NINL: variants seen among roughly 807,000 people sequenced by gnomAD.
NINL encodes the protein ninein like, also known as ninein-like protein.
Under a neutral mutation model 160.3 loss-of-function variants are expected in NINL, and 153 were observed. The observed-to-expected ratio is 0.95, with a 90% CI of 0.84 to 1.09. The LOEUF is 1.09. NINL is among the 50% of genes least tolerant of loss of function. The pLI, the probability that NINL is intolerant of heterozygous loss-of-function variation, is 0.00. For synonymous variants in NINL, 800 were observed against 734.8 expected (o/e 1.09, Z -1.43); for missense variants, 1,829 against 1,764.0 (o/e 1.04, Z -0.66).
At chr20:25,558,894 C>T (rs2064900095) in intron 1 of NINL, among the ~76,000 whole-genome samples, 2 of 152,224 alleles carry the variant, frequency 1.3e-5, no homozygotes, top group Non-Finnish European at 2.9e-5. Flanking sequence ...CTTGCAGATT[C>T]AACTGTTCAT....
chr20:25,470,080 T>C lies in NINL; in HGVS notation c.3264A>G (p.Arg1088=), dbSNP rs2063057544. 4.3e-6 allele frequency: 7 copies of C among 1,613,964 alleles called. No homozygotes were observed. The highest frequency in any genetic ancestry group is 5.1e-6 in the Non-Finnish European group (6 of 1,179,926). The change falls in exon 18 of 24, where the codon AGA becomes AGG. Residue 1088 remains arginine (R), a synonymous_variant. Transcript: ENST00000278886. ...LRENDRLEFH[R]LSEENTLLKN... ...TCAACAAAGTGTTTTCTTCAGAAAG[T>C]CTATGGAACTCCAGTCTGCGTAAAA... is the stretch of plus-strand genomic sequence containing the variant.
chr20:25,464,557 C>A (rs1468390986), intron 19 of NINL, among the ~76,000 whole-genome samples: 4 of 152,202 alleles, frequency 2.6e-5, no homozygotes, highest in Non-Finnish European at 5.9e-5. Flanking sequence ...CGACAACACT[C>A]CCCCAATCTG....
At chr20:25,489,771 C>T (rs1300421786) in intron 12 of NINL, 104 bp downstream of exon 12, 11 of 850,122 alleles carry the variant, frequency 1.3e-5, no homozygotes, top group East Asian at 4.9e-5. Flanking sequence ...AGGAGAATAC[C>T]GCATTCTGTG....
rs956959446 is a variant in NINL, at chr20:25,523,408, C to T, written c.180+3000G>A. On this transcript the variant is annotated intron_variant, in intron 2 of 23. Coordinates refer to ENST00000278886, the MANE Select transcript of NINL (RefSeq NM_025176.6). ...CTGGAATTACAGGTGCATGCCACCACATCCAGCTACCTTTAAGATTCTTCT... is the reference window on the plus strand; with the variant it reads ...CTGGAATTACAGGTGCATGCCACCATATCCAGCTACCTTTAAGATTCTTCT... 1.8e-4 allele frequency among the ~76,000 whole-genome samples: 27 copies of T among 152,066 alleles called. 1 individual carries two copies. The highest frequency in any genetic ancestry group is 6.2e-4 in the South Asian group (3 of 4,820).
At chr20:25,479,777 G>T (rs1404957605) in intron 15 of NINL, among the ~76,000 whole-genome samples, 1 of 152,172 alleles carries the variant, frequency 6.6e-6, no homozygotes, top group Non-Finnish European at 1.5e-5. Flanking sequence ...GGTGGCCCTG[G>T]CCTCAAAGCC....
chr20:25,517,893 G>T, intron 2 of NINL, 44 bp from the exon 3 acceptor site: 1 of 1,269,410 alleles, frequency 7.9e-7, no homozygotes, highest in Non-Finnish European at 1.1e-6. Context: ...ACTTTCAACA[G>T]ATCACACAAT....
Position 25,476,034 on chromosome 20 carries a change from A to T in NINL, c.3248+9T>A, listed in dbSNP as rs1242228501. Reference sequence around the variant, plus strand: ...AGTGTTTAGTTTTAAGAATGAGTAGAAGGCAAACCTGTCGTTCTCTCTCAA... The same window carrying T: ...AGTGTTTAGTTTTAAGAATGAGTAGTAGGCAAACCTGTCGTTCTCTCTCAA... On this transcript the variant is annotated intron_variant, in intron 17 of 23. Coordinates refer to ENST00000278886, the MANE Select transcript of NINL (RefSeq NM_025176.6). The T allele has an allele frequency of 1.9e-6, 3 of 1,609,742 alleles. No individual in the cohort carries two copies. The highest frequency in any genetic ancestry group is 2.7e-5 in the African/African-American group (2 of 74,722).
chr20:25,490,209 C>T (rs1291717837), intron 11 of NINL, among the ~76,000 whole-genome samples: 1 of 152,230 alleles, frequency 6.6e-6, no homozygotes, highest in East Asian at 1.9e-4. Context: ...ACCCCATCGT[C>T]TTCACTTCTC....
chr20:25,525,455 C>A (rs1335699392), intron 2 of NINL, among the ~76,000 whole-genome samples: 1 of 152,094 alleles, frequency 6.6e-6, no homozygotes, highest in African/African-American at 2.4e-5. Flanking sequence ...CATTCGAGAC[C>A]AGCCTGGGTA....
intron 3 of NINL, among the ~76,000 whole-genome samples, chr20:25,513,679 G>C (rs1446034793): frequency 1.3e-5 from 2 of 152,204 alleles, no homozygotes; most frequent in Non-Finnish European, 2.9e-5. Context: ...GGATCATGCA[G>C]GTGGATTTCC....
At position 25,461,510 on chromosome 20, in the gene NINL, G is replaced by A. The variant is rs780464193; in HGVS notation, c.3696+12C>T. 15 of 1,507,916 alleles carry A rather than the reference G, an allele frequency of 9.9e-6. No individual in the cohort carries two copies. Among genetic ancestry groups the A allele is most frequent in the Admixed American group, 2.2e-5 (1 of 46,314 alleles). The allele number at this position is 1,507,916 out of a possible 1,614,324, so 93.4% of individuals were successfully genotyped here. ...ACTGGACCCAGTGCCTCCAGCCATC[G>A]CTCACACCCACCTGGTCTTGACTTT... On this transcript the variant is annotated intron_variant, in intron 21 of 23. Transcript: ENST00000278886.
At position 25,533,030 on chromosome 20, in the gene NINL, T is replaced by C. The variant is rs372282837; in HGVS notation, c.-11-6432A>G. On this transcript the variant is annotated intron_variant, in intron 1 of 23. Transcript: ENST00000278886. ...TGGAAAGCGGCCCGGCTCAGCCACA[T>C]AGGAACCCCGCTGCAGAGAGGCTGG... Among the ~76,000 whole-genome samples the C allele has an allele frequency of 1.5e-4, 23 of 152,212 alleles. 1 individual carries two copies. The East Asian group carries it at 3.1e-3, about 20-fold the overall frequency.
chr20:25,487,995 T>C (rs2063537996), intron 13 of NINL, among the ~76,000 whole-genome samples: 1 of 152,154 alleles, frequency 6.6e-6, no homozygotes, highest in Non-Finnish European at 1.5e-5. Flanking sequence ...GGGGAAGAAA[T>C]GGAGGCTTTG....
chr20:25,458,616 T>TGC (rs2090756055), intron 21 of NINL, 87 bp from the exon 22 acceptor site: 2 of 1,368,304 alleles, frequency 1.5e-6, no homozygotes, highest in African/African-American at 2.9e-5. Context: ...CACCCCCACC[T>TGC]GCAAGGGCAA....
rs189239829 is a variant in NINL, at chr20:25,491,463, C to T, written c.1373G>A (p.Arg458Gln). Residue 458 changes from arginine to glutamine, a missense_variant, in exon 11 of 24, where the codon CGA (arginine) becomes CAA (glutamine). Physicochemically the swap from Arg to Gln is conservative, Grantham distance 43 (BLOSUM62 1). Transcript: ENST00000278886. ...GTGGGCCTGCTCCCAGAACAGCTCT[C>T]GCTCCGCCTCCACCTCAGACCGCAG... ...SLLRSEVEAE[R>Q]ELFWEQAHRQ... The T allele has an allele frequency of 2.2e-4, 359 of 1,614,066 alleles. No individual in the cohort carries two copies. The highest frequency in any genetic ancestry group is 1.2e-3 in the Middle Eastern group (7 of 6,062).
intron 1 of NINL, among the ~76,000 whole-genome samples, chr20:25,532,295 G>GGCTAGGATTTCCAGAAGAGGGAAGGA (rs1176068434): frequency 5.3e-5 from 8 of 152,200 alleles, no homozygotes; most frequent in African/African-American, 1.9e-4. Context: ...TTCGAGGCTG[G>GGCTAGGATTTCCAGAAGAGGGAAGGA]GCTAGGATTT....
At position 25,458,682 on chromosome 20, in the gene NINL, T is replaced by C. The variant is rs2090757987; in HGVS notation, c.3697-153A>G. The C allele has an allele frequency of 4.9e-6, 4 of 818,280 alleles. No individual in the cohort carries two copies. The East Asian group carries it at 1.1e-4, about 22-fold the overall frequency. 50.7% of individuals were successfully genotyped at this position (818,280 alleles called of 1,614,324 possible). ...CACCTGAATATTTAGAAGGAGCCCA[T>C]TTCTTTGGAATTCGGACAGCCAGGC... On this transcript the variant is annotated intron_variant, in intron 21 of 23. Transcript: ENST00000278886.
Position 25,467,312 on chromosome 20 carries a change from G to T in NINL, c.3423+77C>A, listed in dbSNP as rs1243839133. ...AGAAGAATATTCTCTACTTCCTTTTGTAAGTTTAAAATGATTTCAAAATAA... is the reference window on the plus strand; with the variant it reads ...AGAAGAATATTCTCTACTTCCTTTTTTAAGTTTAAAATGATTTCAAAATAA... On this transcript the variant is annotated intron_variant, in intron 19 of 23. Transcript: ENST00000278886. The T allele has an allele frequency of 3.2e-6, 4 of 1,243,320 alleles. No homozygotes were observed. In the African/African-American group the frequency reaches 4.4e-5, roughly 14 times the overall value. The allele number at this position is 1,243,320 out of a possible 1,614,324, so 77.0% of individuals were successfully genotyped here. A position where few individuals can be genotyped will look rare whatever the true frequency, so the allele number is the denominator to read the frequency against.
chr20:25,505,338 G>GT (rs1052768303), intron 5 of NINL, among the ~76,000 whole-genome samples: 161 of 148,406 alleles, frequency 1.1e-3, no homozygotes, highest in Non-Finnish European at 1.9e-3. Flanking sequence ...ATGCTGGTTG[G>GT]GGGGGGGTCA....
Sources: gnomAD v4.1 joint callset for allele counts (sites outside exome capture counted in the v4.1 genomes callset) on GRCh38, gnomAD v4.1.1 for gene constraint, MANE v1.5 for transcripts, NCBI Gene and HGNC (gene_info 2026-07-23, HGNC 2026-07-21) for gene names.